The following ZNF513 variants were observed in gnomAD, a reference collection of about 807,000 sequenced individuals.
ZNF513 encodes the protein zinc finger protein 513.
Under a neutral mutation model 39.7 loss-of-function variants are expected in ZNF513, and 16 were observed. The ratio of observed to expected loss-of-function variants is 0.40; its 90% CI spans 0.27 to 0.61. The LOEUF (loss-of-function observed/expected upper bound fraction) is 0.61. ZNF513 is among the 20% of genes least tolerant of loss of function. ZNF513 has a pLI of 0.39. For missense variants in ZNF513, 699 were observed against 743.6 expected, an observed-to-expected ratio of 0.94 and a Z score of 0.70; for synonymous variants, 348 against 296.5, an observed-to-expected ratio of 1.17 and a Z score of -1.79.
rs577733777 is a variant in ZNF513 at position 27,377,414 on chromosome 2, G to T, written c.*131C>A. 1.6e-4 allele frequency: 164 copies of T among 1,010,828 alleles called. No individual in the cohort carries two copies. The highest frequency in any genetic ancestry group is 8.0e-4 in the Middle Eastern group (4 of 4,998). 62.6% of individuals were successfully genotyped at this position (1,010,828 alleles called of 1,614,324 possible). On this transcript the variant is annotated 3_prime_UTR_variant, in exon 4 of 4. Transcript: ENST00000323703. This position sits in a 1 kb window ranked among gnomAD's most constrained non-coding sequence, Gnocchi z 4.4. ...AGGCAAGGTCCCCTGGTCCATATGGGCCCCCCCGCCCATGGGGTTGGGCTG... is the reference window on the plus strand; with the variant it reads ...AGGCAAGGTCCCCTGGTCCATATGGTCCCCCCCGCCCATGGGGTTGGGCTG...
chr2:27,380,292 C>A (rs993782203), intron 1 of ZNF513, 44 bp from the exon 2 acceptor site: 31 of 1,613,498 alleles, frequency 1.9e-5, no homozygotes, highest in Non-Finnish European at 2.5e-5. Context: ...CAGGAACCAG[C>A]CCTCGTGGAC....
chr2:27,379,070 T>A lies in ZNF513; in HGVS notation c.212-16A>T, dbSNP rs770472301. On this transcript the variant is annotated splice_polypyrimidine_tract_variant and intron_variant, in intron 2 of 3. Transcript: ENST00000323703. ...AGAGAGTCTCCTGGTGAAATAGACA[T>A]AAGAAGAGACATCAGCATAGGGTAG... 2.5e-6 allele frequency: 4 copies of A among 1,610,522 alleles called. No homozygotes were observed. Among genetic ancestry groups the A allele is most frequent in the Non-Finnish European group, 3.4e-6 (4 of 1,178,406 alleles).
chr2:27,377,355 C>T lies in ZNF513; in HGVS notation c.*190G>A. 1.4e-6 allele frequency: 1 copy of T among 718,094 alleles called. No homozygotes were observed. 44.5% of individuals were successfully genotyped at this position (718,094 alleles called of 1,614,324 possible). On this transcript the variant is annotated 3_prime_UTR_variant, in exon 4 of 4. Coordinates refer to ENST00000323703, the MANE Select transcript of ZNF513 (RefSeq NM_144631.6). This position sits in a 1 kb window ranked among gnomAD's most constrained non-coding sequence, Gnocchi z 4.4. ...GGGGGCAGTGGAGGTGAATACAGGG[C>T]CCTTCTCACTGAGCTCGTGAAGTGC...
rs764482406 is a variant in ZNF513 at position 27,378,190 on chromosome 2, C to T, written c.981G>A (p.Glu327=). The T allele has an allele frequency of 1.2e-6, 2 of 1,610,464 alleles. No homozygotes were observed. Among genetic ancestry groups the T allele is most frequent in the Non-Finnish European group, 8.5e-7 (1 of 1,179,942 alleles). ...ACATGGCAGCTCCCAGCCGACTACC[C>T]TCACCCTCCTCCAGCTCTTGTCCAC... ...RGCGQELEEG[E]GSRLGAAMCG... The change falls in exon 4 of 4, where the codon GAG becomes GAA. Residue 327 remains glutamate (E), a synonymous_variant. Transcript: ENST00000323703. This position sits in a 1 kb window ranked among gnomAD's most constrained non-coding sequence, Gnocchi z 8.0.
rs1444034354 is a variant in ZNF513, at chr2:27,378,826, C to T, written c.440G>A (p.Arg147Gln). The change falls in exon 3 of 4, where the codon CGG (arginine) becomes CAG (glutamine). Residue 147 changes from arginine (R) to glutamine (Q), a missense_variant. Arg to Gln is a conservative substitution (Grantham distance 43). Coordinates refer to ENST00000323703, the MANE Select transcript of ZNF513 (RefSeq NM_144631.6). The surrounding 1 kb of genome is among the most constrained non-coding windows in gnomAD (Gnocchi z 8.0). Reference sequence around the variant, plus strand: ...GCAGAGGCGGCATGAGTACAGTAGCCGTGGGGGCAGCAGGGGCCCCCCACC... The same window carrying T: ...GCAGAGGCGGCATGAGTACAGTAGCTGTGGGGGCAGCAGGGGCCCCCCACC... ...GPGGGPLLPPRLLYSCRLCTF... is the reference protein window; with the variant it reads ...GPGGGPLLPPQLLYSCRLCTF... 6.8e-6 allele frequency: 11 copies of T among 1,611,824 alleles called. No homozygotes were observed. Among genetic ancestry groups the T allele is most frequent in the Non-Finnish European group, 8.5e-6 (10 of 1,179,088 alleles).
intron 1 of ZNF513, 53 bp downstream of exon 1, chr2:27,380,419 A>G: frequency 6.4e-7 from 1 of 1,565,252 alleles, no homozygotes; most frequent in Non-Finnish European, 8.6e-7. Context: ...ACCTGAGCCC[A>G]CTCCACTGAC....
rs769624885 is a variant in ZNF513, at chr2:27,378,250, C to G, written c.921G>C (p.Leu307=). Residue 307 remains leucine, a synonymous_variant, in exon 4 of 4, where the codon CTG becomes CTC. Transcript: ENST00000323703. The surrounding 1 kb of genome is among the most constrained non-coding windows in gnomAD (Gnocchi z 8.0). Reference sequence around the variant, plus strand: ...AGGTCCAAGGGAATAGCAGCTCTGGCAGTGGTTCTGATCCAGTCCCGCAGA... The same window carrying G: ...AGGTCCAAGGGAATAGCAGCTCTGGGAGTGGTTCTGATCCAGTCCCGCAGA... ...EGLCGTGSEP[L]PELLFPWTCR... is the part of the protein sequence containing the mutation. 2 of 1,602,460 alleles carry G rather than the reference C, an allele frequency of 1.2e-6. No homozygotes were observed. Among genetic ancestry groups the G allele is most frequent in the Non-Finnish European group, 1.7e-6 (2 of 1,179,946 alleles).
At position 27,377,511 on chromosome 2, in the gene ZNF513, C is replaced by A. The variant is rs767656315; in HGVS notation, c.*34G>T. 6.2e-7 allele frequency: 1 copy of A among 1,610,134 alleles called. No individual in the cohort carries two copies. Among genetic ancestry groups the A allele is most frequent in the Non-Finnish European group, 8.5e-7 (1 of 1,176,930 alleles). ...GGGGAGAAAAAGGTGGCTTCTGGTCCGTCTGTATAAAACATGGGGAAGAAG... is the reference window on the plus strand; with the variant it reads ...GGGGAGAAAAAGGTGGCTTCTGGTCAGTCTGTATAAAACATGGGGAAGAAG... On this transcript the variant is annotated 3_prime_UTR_variant, in exon 4 of 4. Transcript: ENST00000323703. The surrounding 1 kb of genome is among the most constrained non-coding windows in gnomAD (Gnocchi z 4.4).
At position 27,380,523 on chromosome 2, in the gene ZNF513, G is replaced by A; in HGVS notation, c.4C>T (p.Pro2Ser). 4 of 1,574,118 alleles carry A rather than the reference G, an allele frequency of 2.5e-6. No individual in the cohort carries two copies. Among genetic ancestry groups the A allele is most frequent in the Non-Finnish European group, 3.5e-6 (4 of 1,149,368 alleles). Reference protein sequence around the residue: MPRRKQSHPQPV... With the variant: MSRRKQSHPQPV... Reference sequence around the variant, plus strand: ...TGCGGGTGGCTTTGCTTCCTTCGGGGCATCGTGACCGGCTCCAGCCCGACG... The same window carrying A: ...TGCGGGTGGCTTTGCTTCCTTCGGGACATCGTGACCGGCTCCAGCCCGACG... Residue 2 changes from proline to serine, a missense_variant, in exon 1 of 4, where the codon CCC becomes TCC. This residue lies in a region of ZNF513 where 530 missense variants were observed against 499.3 expected (regional missense o/e 1.06). Transcript: ENST00000323703.
intron 2 of ZNF513, 52 bp from the exon 3 acceptor site, chr2:27,379,106 C>T: frequency 4.5e-6 from 7 of 1,564,568 alleles, no homozygotes; most frequent in Non-Finnish European, 6.1e-6. Flanking sequence ...GATCAGGCTC[C>T]AAACTCTCCC....
At position 27,377,411 on chromosome 2, in the gene ZNF513, T is replaced by C. The variant is rs754539683; in HGVS notation, c.*134A>G. ...TCAAGGCAAGGTCCCCTGGTCCATATGGGCCCCCCCGCCCATGGGGTTGGG... is the reference window on the plus strand; with the variant it reads ...TCAAGGCAAGGTCCCCTGGTCCATACGGGCCCCCCCGCCCATGGGGTTGGG... On this transcript the variant is annotated 3_prime_UTR_variant, in exon 4 of 4. Coordinates refer to ENST00000323703, the MANE Select transcript of ZNF513 (RefSeq NM_144631.6). The surrounding 1 kb of genome is among the most constrained non-coding windows in gnomAD (Gnocchi z 4.4). 327 of 984,792 alleles carry C rather than the reference T, an allele frequency of 3.3e-4. No individual in the cohort carries two copies. Among genetic ancestry groups the C allele is most frequent in the Non-Finnish European group, 4.5e-4 (290 of 641,284 alleles). 61.0% of individuals were successfully genotyped at this position (984,792 alleles called of 1,614,324 possible).
Position 27,378,141 on chromosome 2 carries a change from C to A in ZNF513, c.1030G>T (p.Ala344Ser). ...GGCCCCCCACTGGCACCCCCTCCAG[C>A]CTCTCCTCGCATGCAGCGCCCACAC... ...AMCGRCMRGE[A>S]GGGASGGPQG... is the part of the protein sequence containing the mutation. The change falls in exon 4 of 4, where the codon GCT becomes TCT. Residue 344 changes from alanine (A) to serine (S), a missense_variant. Physicochemically the swap from Ala to Ser is moderately conservative, Grantham distance 99. Transcript: ENST00000323703. This position sits in a 1 kb window ranked among gnomAD's most constrained non-coding sequence, Gnocchi z 8.0. 1 of 1,613,832 alleles carries A rather than the reference C, an allele frequency of 6.2e-7. No individual in the cohort carries two copies. The highest frequency in any genetic ancestry group is 8.5e-7 in the Non-Finnish European group (1 of 1,179,950).
Position 27,378,580 on chromosome 2 carries a change from G to C in ZNF513, c.686C>G (p.Ala229Gly). The C allele has an allele frequency of 6.2e-7, 1 of 1,613,934 alleles. No homozygotes were observed. Among genetic ancestry groups the C allele is most frequent in the Non-Finnish European group, 8.5e-7 (1 of 1,179,978 alleles). Residue 229 changes from alanine to glycine, a missense_variant, in exon 3 of 4, where the codon GCA (alanine) becomes GGA (glycine). Ala to Gly is a moderately conservative substitution (Grantham distance 60). Around this residue, in one of 3 missense-constraint regions of ZNF513, gnomAD observed 530 missense variants for 499.3 expected, o/e 1.06. Transcript: ENST00000323703. The surrounding 1 kb of genome is among the most constrained non-coding windows in gnomAD (Gnocchi z 8.0). ...CGGGCAGGGAGGAGTGGGGGGCCCT[G>C]CGTGGGTACGCTGATGCCGCCTCAG... is the stretch of plus-strand genomic sequence containing the variant. Reference protein sequence around the residue: ...GNLRRHQRTHAGPPTPPCPTC... With the variant: ...GNLRRHQRTHGGPPTPPCPTC...
chr2:27,379,025 G>T lies in ZNF513; in HGVS notation c.241C>A (p.Pro81Thr). Residue 81 changes from proline to threonine, a missense_variant, in exon 3 of 4, where the codon CCC (proline) becomes ACC (threonine). Transcript: ENST00000323703. ...GDSLGARPGL[P>T]YGLSDDESGG... Reference sequence around the variant, plus strand: ...GACTCATCGTCGCTCAGCCCATAGGGAAGCCCAGGCCTGGCCCCCAGAGAG... The same window carrying T: ...GACTCATCGTCGCTCAGCCCATAGGTAAGCCCAGGCCTGGCCCCCAGAGAG... 6.2e-7 allele frequency: 1 copy of T among 1,613,054 alleles called. No homozygotes were observed. Among genetic ancestry groups the T allele is most frequent in the Non-Finnish European group, 8.5e-7 (1 of 1,179,982 alleles).
chr2:27,378,941 C>G lies in ZNF513; in HGVS notation c.325G>C (p.Gly109Arg). 1 of 1,611,170 alleles carries G rather than the reference C, an allele frequency of 6.2e-7. No homozygotes were observed. Among genetic ancestry groups the G allele is most frequent in the Non-Finnish European group, 8.5e-7 (1 of 1,178,664 alleles). The change falls in exon 3 of 4, where the codon GGG (glycine) becomes CGG (arginine). Residue 109 changes from glycine (G) to arginine (R), a missense_variant. Gly to Arg is a moderately radical substitution (Grantham distance 125). This residue lies in a region of ZNF513 where 530 missense variants were observed against 499.3 expected (regional missense o/e 1.06). Transcript: ENST00000323703. This position sits in a 1 kb window ranked among gnomAD's most constrained non-coding sequence, Gnocchi z 8.0. ...SEVEEPARGP[G>R]EARGERPGPA... ...CCTGGCCTCTCACCCCTGGCCTCCC[C>G]TGGACCCCTGGCTGGCTCCTCAACT...
chr2:27,380,500 C>A lies in ZNF513; in HGVS notation c.27G>T (p.Pro9=). Residue 9 remains proline, a synonymous_variant, in exon 1 of 4, where the codon CCG becomes CCT. Coordinates refer to ENST00000323703, the MANE Select transcript of ZNF513 (RefSeq NM_144631.6). ...TGACCCCCTCGCATTTCACGGGCTG[C>A]GGGTGGCTTTGCTTCCTTCGGGGCA... MPRRKQSH[P]QPVKCEGVKV... 2 of 1,583,584 alleles carry A rather than the reference C, an allele frequency of 1.3e-6. No homozygotes were observed. The highest frequency in any genetic ancestry group is 2.2e-5 in the South Asian group (2 of 89,462).
chr2:27,379,981 TA>T, intron 2 of ZNF513, 111 bp downstream of exon 2: 1 of 1,433,472 alleles, frequency 7.0e-7, no homozygotes, highest in Non-Finnish European at 9.8e-7. Flanking sequence ...AAATGTAAAC[TA>T]AACCAGCCCT....
In ZNF513 at chr2:27,378,994, C is replaced by T; in HGVS notation, c.272G>A (p.Gly91Asp). 3 of 1,613,184 alleles carry T rather than the reference C, an allele frequency of 1.9e-6. No individual in the cohort carries two copies. The highest frequency in any genetic ancestry group is 2.5e-6 in the Non-Finnish European group (3 of 1,179,984). The change falls in exon 3 of 4, where the codon GGC becomes GAC. Residue 91 changes from glycine to aspartate, a missense_variant. By Grantham distance (94) the Gly-to-Asp change is moderately conservative. Around this residue, in one of 3 missense-constraint regions of ZNF513, gnomAD observed 530 missense variants for 499.3 expected, o/e 1.06. Transcript: ENST00000323703. The surrounding 1 kb of genome is among the most constrained non-coding windows in gnomAD (Gnocchi z 8.0). ...ACTCTCCGCACTTAGTGCCCGGCCG[C>T]CCCCAGACTCATCGTCGCTCAGCCC... The part of the protein sequence containing the change: ...PYGLSDDESG[G>D]GRALSAESEV...
Position 27,377,752 on chromosome 2 carries a change from G to C in ZNF513, c.1419C>G (p.Arg473=), listed in dbSNP as rs1683401386. The C allele has an allele frequency of 5.0e-6, 8 of 1,614,244 alleles. No homozygotes were observed. The highest frequency in any genetic ancestry group is 6.8e-6 in the Non-Finnish European group (8 of 1,180,044). Residue 473 remains arginine (R), a synonymous_variant, in exon 4 of 4, where the codon CGC becomes CGG. Coordinates refer to ENST00000323703, the MANE Select transcript of ZNF513 (RefSeq NM_144631.6). The surrounding 1 kb of genome is among the most constrained non-coding windows in gnomAD (Gnocchi z 4.4). Reference sequence around the variant, plus strand: ...CCGTGGTATAGGCGCAGGTGGCACAGCGGAAGGGCTTCTCGCCTGTGTGCC... The same window carrying C: ...CCGTGGTATAGGCGCAGGTGGCACACCGGAAGGGCTTCTCGCCTGTGTGCC... ...MLRHTGEKPF[R]CATCAYTTGH...
Sources: gnomAD v4.1 joint callset for allele counts on GRCh38, gnomAD v4.1.1 for gene constraint, gnomAD v4.1.1 regional missense constraint, Gnocchi (gnomAD v3.1) non-coding constraint, MANE v1.5 for transcripts, NCBI Gene and HGNC (gene_info 2026-07-23, HGNC 2026-07-21) for gene names.